The following TNNI3K variants were observed in gnomAD, a reference collection of about 807,000 sequenced individuals.
The protein encoded by TNNI3K is TNNI3 interacting kinase.
In TNNI3K, 140 loss-of-function variants were observed where a neutral mutation model predicts 114.5. That is an observed-to-expected ratio of 1.22 (90% CI 1.07 to 1.41). The LOEUF (loss-of-function observed/expected upper bound fraction) is 1.41, where lower values mean the gene tolerates loss of function less well. Ranked by LOEUF, TNNI3K falls within the 40% of genes most tolerant of loss-of-function variation. The pLI, the probability that TNNI3K is intolerant of heterozygous loss-of-function variation, is 0.00. For synonymous variants in TNNI3K, 347 were observed against 347.5 expected (o/e 1.00, Z 0.02); for missense variants, 1,125 against 1,007.6 (o/e 1.12, Z -1.58).
At chr1:74,331,367 T>G (rs1660194782) in intron 5 of TNNI3K, 83 bp from the exon 6 acceptor site, 1 of 1,396,932 alleles carries the variant, frequency 7.2e-7, no homozygotes, top group African/African-American at 1.4e-5. Flanking sequence ...CTGATGAAGA[T>G]TTGTGCATGG....
intron 6 of TNNI3K, among the ~76,000 whole-genome samples, chr1:74,332,383 C>T (rs1387712131): frequency 3.3e-5 from 5 of 151,736 alleles, no homozygotes; most frequent in Non-Finnish European, 5.9e-5. Flanking sequence ...TCACTGCAAG[C>T]TCCGCCTCCT....
chr1:74,523,165 C>G (rs544077993), intron 23 of TNNI3K, among the ~76,000 whole-genome samples: 173 of 152,238 alleles, frequency 1.1e-3, no homozygotes, highest in African/African-American at 3.9e-3. Flanking sequence ...TTCAAGAAAA[C>G]AATATATATA....
At chr1:74,356,759 G>T (rs1197060554) in intron 11 of TNNI3K, among the ~76,000 whole-genome samples, 1 of 152,148 alleles carries the variant, frequency 6.6e-6, no homozygotes, top group African/African-American at 2.4e-5. Flanking sequence ...AAGCTTCTAA[G>T]ATTTCCTATG....
At chr1:74,387,813 T>A (rs1663564538) in intron 17 of TNNI3K, among the ~76,000 whole-genome samples, 1 of 152,182 alleles carries the variant, frequency 6.6e-6, no homozygotes, top group African/African-American at 2.4e-5. Context: ...AATATCTACC[T>A]CATAGTGTTT....
rs562788883 is a variant in TNNI3K, at chr1:74,478,315, A to G, written c.2122-10874A>G. ...ACCAAAACTTAACATATATGTAATCATATTTATAATTTATCAGAATTTATT... is the reference window on the plus strand; with the variant it reads ...ACCAAAACTTAACATATATGTAATCGTATTTATAATTTATCAGAATTTATT... On this transcript the variant is annotated intron_variant, in intron 21 of 24. Coordinates refer to ENST00000326637, the MANE Select transcript of TNNI3K (RefSeq NM_015978.3). Among the ~76,000 whole-genome samples the G allele has an allele frequency of 3.9e-5, 6 of 152,326 alleles. No individual in the cohort carries two copies. The East Asian group carries it at 1.2e-3, about 29-fold the overall frequency.
chr1:74,497,867 G>A (rs554888944), intron 23 of TNNI3K, among the ~76,000 whole-genome samples: 5 of 152,190 alleles, frequency 3.3e-5, no homozygotes, highest in African/African-American at 4.8e-5. Context: ...TCAGGAGTCC[G>A]AAATCCTCAG....
intron 5 of TNNI3K, among the ~76,000 whole-genome samples, chr1:74,316,696 T>A (rs901923049): frequency 6.6e-6 from 1 of 151,448 alleles, no homozygotes; most frequent in Non-Finnish European, 1.5e-5. Flanking sequence ...ATTTATTTAT[T>A]TATTTATTTT....
Position 74,489,216 on chromosome 1 carries a change from A to G in TNNI3K, c.2149A>G (p.Met717Val), listed in dbSNP as rs144008222. 313 of 1,612,340 alleles carry G rather than the reference A, an allele frequency of 1.9e-4. No individual in the cohort carries two copies. The Admixed American group carries it at 2.0e-3, about 10-fold the overall frequency. Residue 717 changes from methionine to valine, a missense_variant, in exon 22 of 25, where the codon ATG (methionine) becomes GTG (valine). Met to Val is a conservative substitution (Grantham distance 21, BLOSUM62 1). Coordinates refer to ENST00000326637, the MANE Select transcript of TNNI3K (RefSeq NM_015978.3). ...EGRPEFSEVV[M>V]KLEECLCNIE... ...AAGACCCGAATTTTCTGAAGTTGTC[A>G]TGAAGTTAGAAGAGTGTCTCTGCAA...
chr1:74,529,841 C>T (rs1461467181), intron 23 of TNNI3K, among the ~76,000 whole-genome samples: 1 of 152,226 alleles, frequency 6.6e-6, no homozygotes, highest in East Asian at 1.9e-4. Flanking sequence ...CCCTGCTTTG[C>T]TCTCTCCCTG....
intron 17 of TNNI3K, among the ~76,000 whole-genome samples, chr1:74,389,284 A>G (rs1663640978): frequency 6.6e-6 from 1 of 152,216 alleles, no homozygotes; most frequent in Non-Finnish European, 1.5e-5. Flanking sequence ...ATCCCAAGTA[A>G]GGGTGAGAAG....
At chr1:74,534,059 C>G (rs919760312) in intron 23 of TNNI3K, among the ~76,000 whole-genome samples, 1 of 152,156 alleles carries the variant, frequency 6.6e-6, no homozygotes, top group Non-Finnish European at 1.5e-5. Context: ...AGACACCCCA[C>G]AGGGGTTTTA....
chr1:74,390,222 G>GA (rs1663691837), intron 17 of TNNI3K, among the ~76,000 whole-genome samples: 1 of 150,782 alleles, frequency 6.6e-6, no homozygotes, highest in Non-Finnish European at 1.5e-5. Context: ...ATATGCCATG[G>GA]AAAAAGACTC....
chr1:74,384,136 CT>C (rs1663352104), intron 17 of TNNI3K, among the ~76,000 whole-genome samples: 1 of 152,128 alleles, frequency 6.6e-6, no homozygotes, highest in Non-Finnish European at 1.5e-5. Flanking sequence ...AGGAGCTGTA[CT>C]TTCTAGAATT....
At chr1:74,507,124 T>A (rs80022729) in intron 23 of TNNI3K, among the ~76,000 whole-genome samples, 1 of 152,112 alleles carries the variant, frequency 6.6e-6, no homozygotes, top group Non-Finnish European at 1.5e-5. Flanking sequence ...GTATTATTCA[T>A]TACAAATATT....
chr1:74,431,068 T>C (rs1302430361), intron 17 of TNNI3K, among the ~76,000 whole-genome samples: 1 of 152,168 alleles, frequency 6.6e-6, no homozygotes, highest in East Asian at 1.9e-4. Context: ...AGCTAGGTAT[T>C]ATGTGTATTA....
chr1:74,512,025 T>TCCTTCATGCAGCTTC (rs1670253929), intron 23 of TNNI3K, among the ~76,000 whole-genome samples: 1 of 152,168 alleles, frequency 6.6e-6, no homozygotes, highest in Non-Finnish European at 1.5e-5. Context: ...AGGGCAGCTT[T>TCCTTCATGCAGCTTC]CCTTCATGCA....
At chr1:74,526,669 T>C (rs1192528392) in intron 23 of TNNI3K, among the ~76,000 whole-genome samples, 2 of 152,230 alleles carry the variant, frequency 1.3e-5, no homozygotes, top group Non-Finnish European at 2.9e-5. Context: ...CATTAGCTCA[T>C]GCATTTTAGT....
intron 17 of TNNI3K, among the ~76,000 whole-genome samples, chr1:74,402,691 T>A (rs1421683484): frequency 6.6e-6 from 1 of 152,200 alleles, no homozygotes; most frequent in Non-Finnish European, 1.5e-5. Context: ...CAGAAACAGT[T>A]CTTGTGGTTG....
chr1:74,407,755 CA>C (rs1468855077), intron 17 of TNNI3K, among the ~76,000 whole-genome samples: 1 of 152,072 alleles, frequency 6.6e-6, no homozygotes, highest in Non-Finnish European at 1.5e-5. Context: ...CAGAATGGTA[CA>C]ATTTAGAACC....
Sources: gnomAD v4.1 joint callset for allele counts (sites outside exome capture counted in the v4.1 genomes callset) on GRCh38, gnomAD v4.1.1 for gene constraint, MANE v1.5 for transcripts, NCBI Gene and HGNC (gene_info 2026-07-23, HGNC 2026-07-21) for gene names.